Variants in SLC24A2 observed in about 807,000 individuals in gnomAD.
SLC24A2 encodes solute carrier family 24 member 2.
Under a neutral mutation model 62.0 loss-of-function variants are expected in SLC24A2, and 36 were observed. That is an observed-to-expected ratio of 0.58 (90% CI 0.44 to 0.77). The LOEUF (loss-of-function observed/expected upper bound fraction) is 0.77, where lower values mean the gene tolerates loss of function less well. Among genes scored for constraint, SLC24A2 ranks in the 30% least tolerant of loss-of-function variants. The pLI is 0.00. For missense variants in SLC24A2, 846 were observed against 817.9 expected, an observed-to-expected ratio of 1.03 and a Z score of -0.42; for synonymous variants, 358 against 294.0, an observed-to-expected ratio of 1.22 and a Z score of -2.23.
chr9:19,656,464 C>G (rs567238192), intron 2 of SLC24A2, among the ~76,000 whole-genome samples: 1 of 152,162 alleles, frequency 6.6e-6, no homozygotes, highest in Admixed American at 6.5e-5. Flanking sequence ...GTCTCACTTT[C>G]CATCCCAAGT....
the SLC24A2 span, among the ~76,000 whole-genome samples, chr9:19,886,890 A>C: frequency 6.6e-6 from 1 of 152,142 alleles, no homozygotes; most frequent in Non-Finnish European, 1.5e-5. Context: ...GAATGAGACC[A>C]TGTCCTTTGC....
rs147144497 is a variant in SLC24A2 at position 19,639,108 on chromosome 9, G to GTT, written c.931-16811_931-16810dup. ...GATCGCTATTCTGCATTTGCAAGTG[G>GTT]TTTTTTCCCCCAACAACAACAAAAA... On this transcript the variant is annotated intron_variant, in intron 2 of 10. Transcript: ENST00000341998. Among the ~76,000 whole-genome samples, 3 of 151,272 alleles carry GTT rather than the reference G, an allele frequency of 2.0e-5. No homozygotes were observed. The South Asian group carries it at 6.3e-4, about 32-fold the overall frequency.
the SLC24A2 span, among the ~76,000 whole-genome samples, chr9:19,798,051 C>T: frequency 6.6e-6 from 1 of 152,080 alleles, no homozygotes; most frequent in Non-Finnish European, 1.5e-5. Flanking sequence ...GAGTTCTTTC[C>T]TGGAGACTGT....
chr9:20,019,253 G>GAGAAAGAGAGAAAGAA, the SLC24A2 span, among the ~76,000 whole-genome samples: 1 of 109,746 alleles, frequency 9.1e-6, no homozygotes, highest in East Asian at 2.7e-4. Flanking sequence ...AAGAAGGAAA[G>GAGAAAGAGAGAAAGAA]AGAAAGAAAG....
the SLC24A2 span, among the ~76,000 whole-genome samples, chr9:20,075,419 C>A: frequency 1.3e-5 from 2 of 152,200 alleles, no homozygotes; most frequent in Non-Finnish European, 2.9e-5. Flanking sequence ...ATCTGTGTCA[C>A]TGGACTCCAA....
intron 7 of SLC24A2, among the ~76,000 whole-genome samples, chr9:19,569,690 G>A (rs4977304): frequency 0.92 from 140,125 of 152,132 alleles, 64,600 homozygotes; most frequent in East Asian, 1. Flanking sequence ...CACATCTGCT[G>A]ACTTCCAATG....
chr9:19,939,509 C>T, the SLC24A2 span, among the ~76,000 whole-genome samples: 1 of 152,164 alleles, frequency 6.6e-6, no homozygotes, highest in African/African-American at 2.4e-5. Flanking sequence ...GTACAGGGCG[C>T]TTACCACGCC....
At chr9:20,226,318 G>A in the SLC24A2 span, among the ~76,000 whole-genome samples, 1 of 152,062 alleles carries the variant, frequency 6.6e-6, no homozygotes, top group African/African-American at 2.4e-5. Flanking sequence ...GAAGCATATG[G>A]GAAATTTGCA....
chr9:19,806,365 G>A, the SLC24A2 span, among the ~76,000 whole-genome samples: 1 of 152,108 alleles, frequency 6.6e-6, no homozygotes, highest in African/African-American at 2.4e-5. Context: ...TTGAGGGCAT[G>A]CACTTGGGAA....
At chr9:19,806,487 G>A in the SLC24A2 span, among the ~76,000 whole-genome samples, 2 of 152,142 alleles carry the variant, frequency 1.3e-5, no homozygotes, top group African/African-American at 2.4e-5. Context: ...TCTATATAAG[G>A]TTTACTGTGT....
chr9:20,219,058 T>C, the SLC24A2 span, among the ~76,000 whole-genome samples: 1 of 152,240 alleles, frequency 6.6e-6, no homozygotes, highest in African/African-American at 2.4e-5. Context: ...TCTGTCATTG[T>C]ATGTGAGGGT....
At chr9:20,102,968 C>A in the SLC24A2 span, among the ~76,000 whole-genome samples, 1 of 152,162 alleles carries the variant, frequency 6.6e-6, no homozygotes, top group African/African-American at 2.4e-5. Flanking sequence ...ACAGACGGTA[C>A]CTGGAAAACT....
At chr9:19,524,380 C>G (rs1030949350) in intron 9 of SLC24A2, among the ~76,000 whole-genome samples, 18 of 57,956 alleles carry the variant, frequency 3.1e-4, no homozygotes, top group Non-Finnish European at 4.8e-4. Flanking sequence ...AGTGCAAAAA[C>G]AATAAGAAAC....
chr9:19,785,795 G>T, intron 2 of SLC24A2, 142 bp downstream of exon 2: 1 of 1,063,742 alleles, frequency 9.4e-7, no homozygotes, highest in Non-Finnish European at 1.4e-6. Flanking sequence ...TGTTAGTCTA[G>T]CTATCACAGA....
At chr9:19,702,014 C>G (rs1472637627) in intron 2 of SLC24A2, among the ~76,000 whole-genome samples, 1 of 152,082 alleles carries the variant, frequency 6.6e-6, no homozygotes, top group Non-Finnish European at 1.5e-5. Flanking sequence ...TTCATTCTGG[C>G]TATAAAAAAA....
chr9:19,557,214 A>G (rs1388353038), intron 7 of SLC24A2, among the ~76,000 whole-genome samples: 1 of 152,232 alleles, frequency 6.6e-6, no homozygotes. Flanking sequence ...ACATCCAGTT[A>G]TACCAGGATT....
intron 1 of SLC24A2, chr9:19,788,547 T>C (rs1823247452): frequency 2.0e-6 from 2 of 985,420 alleles, no homozygotes; most frequent in Non-Finnish European, 2.4e-6. Context: ...AGCTTGGAGC[T>C]GGGTTGCATT....
the SLC24A2 span, among the ~76,000 whole-genome samples, chr9:20,214,390 G>A: frequency 3.3e-5 from 5 of 152,100 alleles, no homozygotes; most frequent in African/African-American, 1.2e-4. Context: ...AAGGCAGGCG[G>A]ATCACAAGGT....
chr9:19,994,198 G>A, the SLC24A2 span, among the ~76,000 whole-genome samples: 1 of 152,102 alleles, frequency 6.6e-6, no homozygotes, highest in African/African-American at 2.4e-5. Flanking sequence ...CTTCGTCAGG[G>A]AAAGACACTG....
Sources: gnomAD v4.1 joint callset for allele counts (sites outside exome capture counted in the v4.1 genomes callset) on GRCh38, gnomAD v4.1.1 for gene constraint, MANE v1.5 for transcripts, NCBI Gene and HGNC (gene_info 2026-07-23, HGNC 2026-07-21) for gene names.